ERBB4: variants seen among roughly 807,000 people sequenced by gnomAD.
ERBB4 encodes the protein erb-b2 receptor tyrosine kinase 4, also known as receptor tyrosine-protein kinase erbB-4.
In ERBB4, 42 loss-of-function variants were observed where a neutral mutation model predicts 158.0. The ratio of observed to expected loss-of-function variants is 0.27; its 90% CI spans 0.21 to 0.34. The LOEUF (loss-of-function observed/expected upper bound fraction) is 0.34, where lower values mean the gene tolerates loss of function less well. ERBB4 is among the 10% of genes least tolerant of loss of function. The probability of loss-of-function intolerance (pLI) is 1.00; values close to 1 mark genes in which losing one functional copy is unlikely to be tolerated. For synonymous variants in ERBB4, 583 were observed against 558.7 expected (o/e 1.04, Z -0.61); for missense variants, 1,333 against 1,624.1 (o/e 0.82, Z 3.08).
At chr2:212,424,579 A>T (rs1188633412) in intron 1 of ERBB4, among the ~76,000 whole-genome samples, 1 of 152,188 alleles carries the variant, frequency 6.6e-6, no homozygotes, top group African/African-American at 2.4e-5. Context: ...TACATAGTAT[A>T]TATACTAAAA....
intron 9 of ERBB4, among the ~76,000 whole-genome samples, chr2:211,706,754 T>C (rs1432449248): frequency 1.3e-5 from 2 of 152,166 alleles, no homozygotes; most frequent in Non-Finnish European, 2.9e-5. Flanking sequence ...ACACTATAAA[T>C]GTGTTTCCCT....
At chr2:211,577,820 T>C (rs1574790050) in intron 19 of ERBB4, among the ~76,000 whole-genome samples, 2 of 152,232 alleles carry the variant, frequency 1.3e-5, no homozygotes, top group Non-Finnish European at 2.9e-5. Context: ...CTCAAAATAA[T>C]AAGAGACATT....
chr2:212,465,655 AC>A (rs1307456729), intron 1 of ERBB4, among the ~76,000 whole-genome samples: 2 of 152,060 alleles, frequency 1.3e-5, no homozygotes, highest in Non-Finnish European at 2.9e-5. Context: ...TCAAATCAGT[AC>A]CTTTTTCTCC....
chr2:212,527,690 T>TTTTA (rs143126554), intron 1 of ERBB4, among the ~76,000 whole-genome samples: 24,304 of 149,600 alleles, frequency 0.16, 2,248 homozygotes, highest in African/African-American at 0.24. Flanking sequence ...TCCCCAAATC[T>TTTTA]TTTATTTATT....
intron 3 of ERBB4, among the ~76,000 whole-genome samples, chr2:211,863,296 A>G (rs1180248232): frequency 6.6e-6 from 1 of 152,118 alleles, no homozygotes; most frequent in East Asian, 1.9e-4. Context: ...ACCAATCAGC[A>G]CTCTGTAAAA....
intron 1 of ERBB4, among the ~76,000 whole-genome samples, chr2:212,291,524 A>G (rs2086206021): frequency 6.6e-6 from 1 of 152,082 alleles, no homozygotes; most frequent in Non-Finnish European, 1.5e-5. Flanking sequence ...TTAATTGTGT[A>G]GTTGCATCAC....
intron 2 of ERBB4, among the ~76,000 whole-genome samples, chr2:212,030,440 T>G (rs1437871898): frequency 6.6e-6 from 1 of 152,154 alleles, no homozygotes; most frequent in Admixed American, 6.6e-5. Context: ...AGTAAGCAAT[T>G]AGATAAAATC....
chr2:211,911,403 C>T (rs2125055493), intron 3 of ERBB4, among the ~76,000 whole-genome samples: 1 of 152,128 alleles, frequency 6.6e-6, no homozygotes, highest in South Asian at 2.1e-4. Context: ...GTAGCTGAGA[C>T]CACAGGTGCC....
intron 1 of ERBB4, among the ~76,000 whole-genome samples, chr2:212,228,680 C>A (rs1017541198): frequency 6.8e-6 from 1 of 146,780 alleles, no homozygotes; most frequent in African/African-American, 2.7e-5. Context: ...TCAGTAAACC[C>A]CACCTTGCTG....
At chr2:211,418,778 G>A (rs1252705231) in intron 25 of ERBB4, among the ~76,000 whole-genome samples, 3 of 152,040 alleles carry the variant, frequency 2.0e-5, no homozygotes, top group Non-Finnish European at 4.4e-5. Flanking sequence ...TTTGCAAAGT[G>A]TACAGAGAGC....
At chr2:211,711,148 T>C (rs965481526) in intron 9 of ERBB4, among the ~76,000 whole-genome samples, 1 of 152,110 alleles carries the variant, frequency 6.6e-6, no homozygotes, top group African/African-American at 2.4e-5. Flanking sequence ...TAAACAGATA[T>C]TTAGCAATAA....
At chr2:212,151,254 A>AAT (rs764608007) in intron 1 of ERBB4, among the ~76,000 whole-genome samples, 1 of 151,096 alleles carries the variant, frequency 6.6e-6, no homozygotes, top group Non-Finnish European at 1.5e-5. Context: ...TGTAGAATTA[A>AAT]ATATATATAT....
chr2:211,644,631 T>A (rs1048154246), intron 16 of ERBB4, among the ~76,000 whole-genome samples: 2 of 152,014 alleles, frequency 1.3e-5, no homozygotes, highest in Admixed American at 6.6e-5. Flanking sequence ...AATTTTCCAA[T>A]CTGTTCTTTA....
rs143811247 is a variant in ERBB4 at position 212,003,772 on chromosome 2, G to A, written c.235-56156C>T. Reference sequence around the variant, plus strand: ...GTCCAGAATGTTCCCATGATTGATAGGGCAAAGTGGTCCAGTGTGCAGGTT... The same window carrying A: ...GTCCAGAATGTTCCCATGATTGATAAGGCAAAGTGGTCCAGTGTGCAGGTT... On this transcript the variant is annotated intron_variant, in intron 2 of 27. Coordinates refer to ENST00000342788, the MANE Select transcript of ERBB4 (RefSeq NM_005235.3). Among the ~76,000 whole-genome samples, 275 of 152,240 alleles carry A rather than the reference G, an allele frequency of 1.8e-3. 1 individual carries two copies. Among genetic ancestry groups the A allele is most frequent in the Middle Eastern group, 6.8e-3 (2 of 294 alleles).
chr2:211,477,267 C>T (rs557254196), intron 20 of ERBB4, among the ~76,000 whole-genome samples: 5 of 152,140 alleles, frequency 3.3e-5, no homozygotes, highest in Admixed American at 2.6e-4. Flanking sequence ...TTTACCAAGT[C>T]TCCATAATTA....
intron 1 of ERBB4, among the ~76,000 whole-genome samples, chr2:212,258,037 C>T (rs1380719571): frequency 6.6e-6 from 1 of 151,978 alleles, no homozygotes; most frequent in Non-Finnish European, 1.5e-5. Flanking sequence ...ATGTGCTTAA[C>T]AATATTTCAA....
intron 1 of ERBB4, among the ~76,000 whole-genome samples, chr2:212,260,664 T>G (rs542666401): frequency 6.6e-6 from 1 of 151,898 alleles, no homozygotes; most frequent in Non-Finnish European, 1.5e-5. Context: ...AATACAAAAA[T>G]TAGCTGAGCA....
At chr2:212,204,700 CAAAAAAAACAAA>C (rs1231016053) in intron 1 of ERBB4, among the ~76,000 whole-genome samples, 1 of 94,126 alleles carries the variant, frequency 1.1e-5, no homozygotes, top group South Asian at 2.9e-4. Flanking sequence ...CTGTCCCCCA[CAAAAAAAACAAA>C]AAAAAAAACA....
intron 1 of ERBB4, among the ~76,000 whole-genome samples, chr2:212,388,061 G>A (rs998589071): frequency 1.3e-5 from 2 of 152,050 alleles, no homozygotes; most frequent in African/African-American, 2.4e-5. Context: ...TGCCGTTAGA[G>A]AGAATATAAT....
Sources: gnomAD v4.1 joint callset for allele counts (sites outside exome capture counted in the v4.1 genomes callset) on GRCh38, gnomAD v4.1.1 for gene constraint, MANE v1.5 for transcripts, NCBI Gene and HGNC (gene_info 2026-07-23, HGNC 2026-07-21) for gene names.